Variants in CHST8 observed in about 807,000 individuals in gnomAD.
CHST8 encodes the protein GALNAC-4-ST1.
In CHST8, 10 loss-of-function variants were observed where a neutral mutation model predicts 15.0. That is an observed-to-expected ratio of 0.67 (90% confidence interval 0.41 to 1.13). The LOEUF (loss-of-function observed/expected upper bound fraction) is 1.13, where lower values mean the gene tolerates loss of function less well. Among genes scored for constraint, CHST8 ranks in the 50% most tolerant of loss-of-function variants. CHST8 has a pLI of 0.00. For missense variants in CHST8, 634 were observed against 608.2 expected (o/e 1.04, Z -0.45); for synonymous variants, 259 against 256.6 (o/e 1.01, Z -0.09).
Position 33,773,424 on chromosome 19 carries a change from A to C in CHST8, c.*361A>C. 4.1e-6 allele frequency: 1 copy of C among 246,266 alleles called. No homozygotes were observed. Among genetic ancestry groups the C allele is most frequent in the African/African-American group, 2.2e-5 (1 of 44,948 alleles). 15.3% of individuals were successfully genotyped at this position (246,266 alleles called of 1,614,324 possible). ...TCCCTTAGCCATTGCCTTGGACCAA[A>C]CCACGTGGTTTGCAGCTTTTCTACG... is the stretch of plus-strand genomic sequence containing the variant. On this transcript the variant is annotated 3_prime_UTR_variant, in exon 5 of 5. Transcript: ENST00000650847.
chr19:33,742,047 C>T (rs1002359137), intron 3 of CHST8, among the ~76,000 whole-genome samples: 1 of 152,028 alleles, frequency 6.6e-6, no homozygotes, highest in Non-Finnish European at 1.5e-5. Flanking sequence ...GGGGCTAAGA[C>T]CCCAGATGTA....
chr19:33,702,281 C>T (rs1230079089), intron 3 of CHST8, among the ~76,000 whole-genome samples: 3 of 152,066 alleles, frequency 2.0e-5, no homozygotes, highest in Non-Finnish European at 2.9e-5. Context: ...CCACCACACC[C>T]GGCCTATGTT....
intron 2 of CHST8, among the ~76,000 whole-genome samples, chr19:33,682,184 G>GTTTT (rs1568325315): frequency 6.0e-4 from 73 of 121,886 alleles, no homozygotes; most frequent in African/African-American, 1.9e-3. Context: ...GGTTTTTGTT[G>GTTTT]TTGTTTTTTT....
chr19:33,703,849 C>T (rs1973391193), intron 3 of CHST8, among the ~76,000 whole-genome samples: 1 of 152,226 alleles, frequency 6.6e-6, no homozygotes, highest in African/African-American at 2.4e-5. Flanking sequence ...GGAAGATTCG[C>T]TCATTTTGAA....
intron 3 of CHST8, among the ~76,000 whole-genome samples, chr19:33,746,125 G>A (rs1052805431): frequency 4.6e-5 from 7 of 152,218 alleles, no homozygotes; most frequent in Non-Finnish European, 1.0e-4. Flanking sequence ...TGGTGTTACT[G>A]AGATACAAGC....
intron 3 of CHST8, among the ~76,000 whole-genome samples, chr19:33,740,839 C>T (rs1050757692): frequency 1.3e-5 from 2 of 152,138 alleles, no homozygotes; most frequent in Admixed American, 1.3e-4. Context: ...GTGTTGAGGC[C>T]CCACTGTAGT....
At chr19:33,642,633 G>A (rs1972299004) in intron 1 of CHST8, among the ~76,000 whole-genome samples, 1 of 152,166 alleles carries the variant, frequency 6.6e-6, no homozygotes, top group Non-Finnish European at 1.5e-5. Flanking sequence ...AAAGTGCTGG[G>A]ATTACAGGCG....
At chr19:33,766,300 A>G (rs1410509635) in intron 3 of CHST8, among the ~76,000 whole-genome samples, 1 of 151,758 alleles carries the variant, frequency 6.6e-6, no homozygotes, top group Non-Finnish European at 1.5e-5. Context: ...TCTCTCTGAT[A>G]ACCCTAACTA....
chr19:33,703,525 T>C (rs939960674), intron 3 of CHST8, among the ~76,000 whole-genome samples: 9 of 152,350 alleles, frequency 5.9e-5, no homozygotes, highest in African/African-American at 2.2e-4. Context: ...GGAGGCCAAA[T>C]GCGTGGGTCG....
chr19:33,769,027 A>G (rs2145393167), intron 3 of CHST8, among the ~76,000 whole-genome samples: 1 of 152,336 alleles, frequency 6.6e-6, no homozygotes, highest in East Asian at 1.9e-4. Context: ...AGTTAATGCC[A>G]AGGGCTCTAG....
chr19:33,689,072 C>T (rs1364022358), intron 2 of CHST8, 104 bp from the exon 3 acceptor site: 2 of 543,868 alleles, frequency 3.7e-6, no homozygotes, highest in Non-Finnish European at 5.9e-6. Flanking sequence ...TTGTAGAGGG[C>T]AGAGTCATCC....
chr19:33,720,915 C>T (rs968720848), intron 3 of CHST8, among the ~76,000 whole-genome samples: 2 of 152,248 alleles, frequency 1.3e-5, no homozygotes, highest in South Asian at 2.1e-4. Flanking sequence ...AGCACTGGCC[C>T]GACGTGGACG....
chr19:33,649,243 G>A (rs1254342716), intron 1 of CHST8, among the ~76,000 whole-genome samples: 4 of 152,028 alleles, frequency 2.6e-5, no homozygotes, highest in Non-Finnish European at 5.9e-5. Context: ...GTGTTTGTGT[G>A]CTAGTATTTC....
intron 3 of CHST8, among the ~76,000 whole-genome samples, chr19:33,750,928 C>T (rs1599619402): frequency 6.6e-6 from 1 of 151,912 alleles, no homozygotes; most frequent in Admixed American, 6.6e-5. Flanking sequence ...GCAACCCTCC[C>T]AGCCAAGCCA....
At chr19:33,713,326 G>A (rs1465261772) in intron 3 of CHST8, among the ~76,000 whole-genome samples, 1 of 152,080 alleles carries the variant, frequency 6.6e-6, no homozygotes, top group Admixed American at 6.5e-5. Context: ...CCCCTGGTAG[G>A]CCACCATCAC....
intron 2 of CHST8, among the ~76,000 whole-genome samples, chr19:33,684,262 TG>T (rs903138751): frequency 2.0e-5 from 3 of 152,196 alleles, no homozygotes; most frequent in African/African-American, 7.2e-5. Context: ...AGCATGGGGC[TG>T]GGGGGGAGTG....
intron 3 of CHST8, among the ~76,000 whole-genome samples, chr19:33,746,521 A>T (rs1004391119): frequency 6.6e-6 from 1 of 152,226 alleles, no homozygotes; most frequent in Non-Finnish European, 1.5e-5. Flanking sequence ...CATGTATATG[A>T]GTAGTTGGTG....
chr19:33,644,965 A>C (rs1972331464), intron 1 of CHST8, among the ~76,000 whole-genome samples: 1 of 152,024 alleles, frequency 6.6e-6, no homozygotes, highest in African/African-American at 2.4e-5. Context: ...TTCCCAGGGG[A>C]ATTTGGCAAC....
At chr19:33,740,044 G>A (rs374093977) in intron 3 of CHST8, among the ~76,000 whole-genome samples, 15 of 152,232 alleles carry the variant, frequency 9.9e-5, no homozygotes, top group East Asian at 7.7e-4. Context: ...AAAGAAAGTC[G>A]GTACTTTAAA....
Sources: allele counts gnomAD v4.1 joint callset (sites outside exome capture counted in the v4.1 genomes callset), GRCh38; gene constraint gnomAD v4.1.1; transcripts MANE v1.5; gene names NCBI Gene and HGNC (gene_info 2026-07-23, HGNC 2026-07-21).